COL6A3: variants seen among roughly 807,000 people sequenced by gnomAD.
COL6A3 encodes collagen alpha-3(VI) chain.
COL6A3 carries 137 observed loss-of-function variants against 274.1 expected under a neutral mutation model. The ratio of observed to expected loss-of-function variants is 0.50; its 90% CI spans 0.44 to 0.58. The LOEUF (loss-of-function observed/expected upper bound fraction) is 0.58, where lower values mean the gene tolerates loss of function less well. Among genes scored for constraint, COL6A3 ranks in the 20% least tolerant of loss-of-function variants. The pLI is 0.00. For synonymous variants in COL6A3, 1,650 were observed against 1,650.6 expected (o/e 1.00, Z 0.01); for missense variants, 3,950 against 4,124.9 (o/e 0.96, Z 1.16).
intron 42 of COL6A3, chr2:237,328,998 T>C (rs1311854297): frequency 1.3e-5 from 2 of 152,228 alleles, no homozygotes; most frequent in African/African-American, 4.8e-5. Context: ...CGTCTACATT[T>C]TGAGCATTGG....
chr2:237,324,759 G>A lies in COL6A3; in HGVS notation c.*15C>T. On this transcript the variant is annotated 3_prime_UTR_variant, in exon 44 of 44. Coordinates refer to ENST00000295550, the MANE Select transcript of COL6A3 (RefSeq NM_004369.4). ...CCTTCTTCTTCAAGAGGTATATGATGTTGGCCACCCACGCTTAGGTTCCCA... is the reference window on the plus strand; with the variant it reads ...CCTTCTTCTTCAAGAGGTATATGATATTGGCCACCCACGCTTAGGTTCCCA... The A allele has an allele frequency of 6.2e-7, 1 of 1,613,696 alleles. No individual in the cohort carries two copies. Among genetic ancestry groups the A allele is most frequent in the Non-Finnish European group, 8.5e-7 (1 of 1,179,846 alleles).
rs771393722 is a variant in COL6A3 at position 237,394,612 on chromosome 2, G to A, written c.684C>T (p.Asp228=). ...HSSVSPERAG[D]TETLKDITAQ... ...CTGTGATGTCTTTAAGGGTTTCCGTGTCCCCAGCCCTTTCTGGACTCACGG... is the reference window on the plus strand; with the variant it reads ...CTGTGATGTCTTTAAGGGTTTCCGTATCCCCAGCCCTTTCTGGACTCACGG... The change falls in exon 3 of 44, where the codon GAC becomes GAT. Residue 228 remains aspartate, a synonymous_variant. Transcript: ENST00000295550. The A allele has an allele frequency of 5.6e-6, 9 of 1,614,132 alleles. No individual in the cohort carries two copies. Among genetic ancestry groups the A allele is most frequent in the Non-Finnish European group, 7.6e-6 (9 of 1,180,036 alleles).
chr2:237,350,173 C>T lies in COL6A3; in HGVS notation c.6853G>A (p.Gly2285Arg), dbSNP rs1268762655. 6.2e-6 allele frequency: 10 copies of T among 1,614,016 alleles called. No individual in the cohort carries two copies. Among genetic ancestry groups the T allele is most frequent in the Admixed American group, 1.7e-5 (1 of 60,010 alleles). ...GTCTCCCCACGAGGGCCCCGGTTCC[C>T]GATTCCTCCTTTTGGTCCTGGCTCT... is the stretch of plus-strand genomic sequence containing the variant. ...PGEPGPKGGI[G>R]NRGPRGETGD... Residue 2285 changes from glycine to arginine, a missense_variant, in exon 28 of 44, where the codon GGG (glycine) becomes AGG (arginine). Physicochemically the swap from Gly to Arg is moderately radical, Grantham distance 125. Around this residue, in one of 5 missense-constraint regions of COL6A3, gnomAD observed 1,284 missense variants for 1,349.7 expected, o/e 0.95. Coordinates refer to ENST00000295550, the MANE Select transcript of COL6A3 (RefSeq NM_004369.4).
In COL6A3 at chr2:237,346,510, C is replaced by T; in HGVS notation, c.7085G>A (p.Gly2362Glu). The stretch of plus-strand genomic sequence containing the variant: ...AACTGGATAAATACTTACAGCTGGT[C>T]CTGGGTAGCCAGGGTCTCCCTTCTG... Reference protein sequence around the residue: ...VGQKGDPGYPGPAGPKGNRGD... With the variant: ...VGQKGDPGYPEPAGPKGNRGD... Residue 2362 changes from glycine to glutamate, a missense_variant, in exon 32 of 44, where the codon GGA (glycine) becomes GAA (glutamate). Around this residue, in one of 5 missense-constraint regions of COL6A3, gnomAD observed 1,284 missense variants for 1,349.7 expected, o/e 0.95. Transcript: ENST00000295550. The T allele has an allele frequency of 6.2e-7, 1 of 1,613,974 alleles. No homozygotes were observed.
At position 237,357,898 on chromosome 2, in the gene COL6A3, G is replaced by C. The variant is rs1160314460; in HGVS notation, c.6472-16C>G. 1.9e-6 allele frequency: 3 copies of C among 1,613,468 alleles called. No individual in the cohort carries two copies. The stretch of plus-strand genomic sequence containing the variant: ...CTGGGTTACCCTGAAAGCAACATGG[G>C]AAAGGGAAATGAGCCACATATGGAA... On this transcript the variant is annotated splice_polypyrimidine_tract_variant and intron_variant, in intron 21 of 43. Transcript: ENST00000295550.
At position 237,397,017 on chromosome 2, in the gene COL6A3, TGATA is replaced by T. The variant is rs60589035; in HGVS notation, c.-30-174_-30-171del. 0.018 allele frequency among the ~76,000 whole-genome samples: 2,562 copies of T among 146,096 alleles called. 34 individuals carry two copies. The highest frequency in any genetic ancestry group is 0.029 in the South Asian group (128 of 4,434). ...GATGGATGATAGACAGTTAGATAGA[TGATA>T]GATAGATAGATAGATAGATAGATAG... On this transcript the variant is annotated intron_variant, in intron 1 of 43. Coordinates refer to ENST00000295550, the MANE Select transcript of COL6A3 (RefSeq NM_004369.4).
rs2078907623 is a variant in COL6A3 at position 237,413,581 on chromosome 2, A to G, written c.-31+372T>C. Among the ~76,000 whole-genome samples the G allele has an allele frequency of 6.6e-6, 1 of 152,180 alleles. No homozygotes were observed. The highest frequency in any genetic ancestry group is 6.6e-5 in the Admixed American group (1 of 15,262). On this transcript the variant is annotated intron_variant, in intron 1 of 43. Coordinates refer to ENST00000295550, the MANE Select transcript of COL6A3 (RefSeq NM_004369.4). This position sits in a 1 kb window ranked among gnomAD's most constrained non-coding sequence, Gnocchi z 4.0. ...CCGGCAGGGAGCTATGCTAGTCCTC[A>G]GCAAAGACGCTTCTGCAAACAAAGC...
chr2:237,397,132 A>AGGAGGGAGGGAG, intron 1 of COL6A3, among the ~76,000 whole-genome samples: 1 of 132,386 alleles, frequency 7.6e-6, no homozygotes, highest in African/African-American at 2.9e-5. Flanking sequence ...GAGGGAAGGA[A>AGGAGGGAGGGAG]GGAAGGAGAA....
In COL6A3 at chr2:237,367,159, G is replaced by C. The variant is rs1163525499; in HGVS notation, c.5028C>G (p.Ile1676Met). 3.1e-6 allele frequency: 5 copies of C among 1,614,064 alleles called. No individual in the cohort carries two copies. In the African/African-American group the frequency reaches 6.7e-5, roughly 22 times the overall value. ...AGTTGTACTGGACAAGCCCCACTTG[G>C]ATGGAGTCGCCATCTTCATAAACTG... is the stretch of plus-strand genomic sequence containing the variant. Reference protein sequence around the residue: ...VDTVYEDGDSIQVGLVQYNSD... With the variant: ...VDTVYEDGDSMQVGLVQYNSD... The change falls in exon 11 of 44, where the codon ATC becomes ATG. Residue 1676 changes from isoleucine to methionine, a missense_variant. By Grantham distance (10) the Ile-to-Met change is conservative. Coordinates refer to ENST00000295550, the MANE Select transcript of COL6A3 (RefSeq NM_004369.4).
intron 39 of COL6A3, among the ~76,000 whole-genome samples, chr2:237,337,928 A>T (rs1024040669): frequency 5.3e-5 from 8 of 151,762 alleles, no homozygotes; most frequent in Admixed American, 2.0e-4. Context: ...TATTATTACC[A>T]TCATTACATG....
At position 237,336,301 on chromosome 2, in the gene COL6A3, T is replaced by A. The variant is rs139811166; in HGVS notation, c.8799A>T (p.Pro2933=). The stretch of plus-strand genomic sequence containing the variant: ...CTGCCGTTGCTGGCTTCACCGCCAC[T>A]GGGGGTCTAACAGTGGCCATCTTTG... The part of the protein sequence containing the change: ...VATKMATVRP[P]VAVKPATAAK... Residue 2933 remains proline (P), a synonymous_variant, in exon 40 of 44, where the codon CCA becomes CCT. Coordinates refer to ENST00000295550, the MANE Select transcript of COL6A3 (RefSeq NM_004369.4). The A allele has an allele frequency of 6.2e-7, 1 of 1,613,236 alleles. No homozygotes were observed. The highest frequency in any genetic ancestry group is 1.1e-5 in the South Asian group (1 of 91,034).
intron 1 of COL6A3, among the ~76,000 whole-genome samples, chr2:237,399,679 T>C (rs2078540728): frequency 6.6e-6 from 1 of 152,212 alleles, no homozygotes; most frequent in African/African-American, 2.4e-5. Flanking sequence ...TAACCCAGAA[T>C]TCCCCAAACA....
rs754401675 is a variant in COL6A3, at chr2:237,387,615, T to C, written c.1279A>G (p.Ile427Val). ...PYIVGVAQRHIVLKPPTIVTQ... is the reference protein window; with the variant it reads ...PYIVGVAQRHVVLKPPTIVTQ... Reference sequence around the variant, plus strand: ...ACAATGGTTGGCGGTTTCAAGACAATGTGCCTTTGGGCCACGCCAACAATG... The same window carrying C: ...ACAATGGTTGGCGGTTTCAAGACAACGTGCCTTTGGGCCACGCCAACAATG... The change falls in exon 4 of 44, where the codon ATT becomes GTT. Residue 427 changes from isoleucine to valine, a missense_variant. Physicochemically the swap from Ile to Val is conservative, Grantham distance 29 (BLOSUM62 3). Around this residue, in one of 5 missense-constraint regions of COL6A3, gnomAD observed 1,934 missense variants for 1,984.3 expected, o/e 0.97. Coordinates refer to ENST00000295550, the MANE Select transcript of COL6A3 (RefSeq NM_004369.4). The C allele has an allele frequency of 6.2e-7, 1 of 1,613,828 alleles. No homozygotes were observed. Among genetic ancestry groups the C allele is most frequent in the Admixed American group, 1.7e-5 (1 of 59,970 alleles).
chr2:237,385,410 GC>G (rs2078119988), intron 4 of COL6A3, among the ~76,000 whole-genome samples: 1 of 152,164 alleles, frequency 6.6e-6, no homozygotes. Flanking sequence ...GTCATGTGCT[GC>G]CCATTTTCAT....
chr2:237,329,515 G>A (rs1369841444), intron 42 of COL6A3: 8 of 152,250 alleles, frequency 5.3e-5, no homozygotes, highest in East Asian at 3.9e-4. Flanking sequence ...CTCACACAGC[G>A]ATGAACAACA....
In COL6A3 at chr2:237,381,235, C is replaced by G; in HGVS notation, c.1577G>C (p.Gly526Ala). ...GTTACGAACAAAGTCTAGAGCAGAG[C>G]CCGTGTACAGGGCCGAGCCGTCCAG... ...KPLDGSALYT[G>A]SALDFVRNNL... The change falls in exon 5 of 44, where the codon GGC becomes GCC. Residue 526 changes from glycine (G) to alanine (A), a missense_variant. Transcript: ENST00000295550. 6.2e-7 allele frequency: 1 copy of G among 1,614,254 alleles called. No individual in the cohort carries two copies. Among genetic ancestry groups the G allele is most frequent in the Non-Finnish European group, 8.5e-7 (1 of 1,180,054 alleles).
At chr2:237,332,094 T>TA (rs1700277346) in intron 42 of COL6A3, among the ~76,000 whole-genome samples, 2 of 36,886 alleles carry the variant, frequency 5.4e-5, no homozygotes, top group Admixed American at 5.3e-4. Flanking sequence ...TATATATATA[T>TA]ATATATATAT....
At chr2:237,378,277 G>C (rs1176670224) in intron 6 of COL6A3, among the ~76,000 whole-genome samples, 1 of 152,104 alleles carries the variant, frequency 6.6e-6, no homozygotes, top group African/African-American at 2.4e-5. Flanking sequence ...ATAATCCCAA[G>C]GCATATTCAT....
rs1164189369 is a variant in COL6A3 at position 237,368,728 on chromosome 2, C to T, written c.4735G>A (p.Asp1579Asn). ...GTGATGGTCTGCAGCTCTGTTCTGT[C>T]GATGTTCCGGTCTCCTACCCCTAAA... ...VSLGVGDRNI[D>N]RTELQTITND... is the part of the protein sequence containing the mutation. The change falls in exon 10 of 44, where the codon GAC becomes AAC. Residue 1579 changes from aspartate (D) to asparagine (N), a missense_variant. This residue lies in a region of COL6A3 where 632 missense variants were observed against 623.4 expected (regional missense o/e 1.01). Coordinates refer to ENST00000295550, the MANE Select transcript of COL6A3 (RefSeq NM_004369.4). This position sits in a 1 kb window ranked among gnomAD's most constrained non-coding sequence, Gnocchi z 4.4. 2.5e-6 allele frequency: 4 copies of T among 1,614,010 alleles called. No individual in the cohort carries two copies. Among genetic ancestry groups the T allele is most frequent in the African/African-American group, 2.7e-5 (2 of 74,906 alleles).
Sources: allele counts gnomAD v4.1 joint callset (sites outside exome capture counted in the v4.1 genomes callset), GRCh38; gene constraint gnomAD v4.1.1; regional missense constraint gnomAD v4.1.1; non-coding constraint Gnocchi (gnomAD v3.1); transcripts MANE v1.5; gene names NCBI Gene and HGNC (gene_info 2026-07-23, HGNC 2026-07-21).